ERGIC1: variants seen among roughly 807,000 people sequenced by gnomAD.
ERGIC1 encodes endoplasmic reticulum-Golgi intermediate compartment protein 1.
ERGIC1 carries 19 observed loss-of-function variants against 38.3 expected under a neutral mutation model. The ratio of observed to expected loss-of-function variants is 0.50; its 90% CI spans 0.35 to 0.73. The LOEUF (loss-of-function observed/expected upper bound fraction) is 0.73. Ranked by LOEUF, ERGIC1 falls within the 30% of genes least tolerant of loss-of-function variation. ERGIC1 has a pLI of 0.01. For synonymous variants in ERGIC1, 124 were observed against 157.6 expected (o/e 0.79, Z 1.60); for missense variants, 294 against 389.2 (o/e 0.76, Z 2.06).
In ERGIC1 at chr5:172,926,433, C is replaced by T; in HGVS notation, c.481-76C>T. ...GGTTCCTAGACCAGGTGGTACCTGG[C>T]CATCCCCCACAACCAGGGCCAGGCC... On this transcript the variant is annotated intron_variant, in intron 6 of 9. Coordinates refer to ENST00000393784, the MANE Select transcript of ERGIC1 (RefSeq NM_001031711.3). This position sits in a 1 kb window ranked among gnomAD's most constrained non-coding sequence, Gnocchi z 5.2. 3 of 1,529,296 alleles carry T rather than the reference C, an allele frequency of 2.0e-6. No individual in the cohort carries two copies. The highest frequency in any genetic ancestry group is 2.7e-6 in the Non-Finnish European group (3 of 1,104,578). 94.7% of individuals were successfully genotyped at this position (1,529,296 alleles called of 1,614,324 possible). A position where few individuals can be genotyped will look rare whatever the true frequency, so the allele number is the denominator to read the frequency against.
chr5:172,950,623 C>A, intron 9 of ERGIC1, 86 bp from the exon 10 acceptor site: 2 of 1,171,594 alleles, frequency 1.7e-6, no homozygotes, highest in Non-Finnish European at 2.5e-6. Flanking sequence ...CAGAGCCCAT[C>A]ATCTCATGAT....
chr5:172,875,444 A>T (rs1762120733), intron 1 of ERGIC1, among the ~76,000 whole-genome samples: 2 of 151,996 alleles, frequency 1.3e-5, no homozygotes, highest in Admixed American at 1.3e-4. Context: ...TGATTATAAA[A>T]CCAAAAGCCC....
At chr5:172,840,583 G>T (rs558447474) in intron 1 of ERGIC1, among the ~76,000 whole-genome samples, 1 of 152,152 alleles carries the variant, frequency 6.6e-6, no homozygotes, top group African/African-American at 2.4e-5. Context: ...GAGCCAGGTC[G>T]GGTGGCGGTG....
intron 3 of ERGIC1, among the ~76,000 whole-genome samples, chr5:172,908,306 C>CA (rs1561729549): frequency 0.85 from 12,744 of 14,926 alleles, 5,355 homozygotes; most frequent in Non-Finnish European, 0.88. Flanking sequence ...GAGGCGGGGG[C>CA]GGGGGGGGGG....
chr5:172,915,514 T>C lies in ERGIC1; in HGVS notation c.375+676T>C, dbSNP rs1388553178. ...TTCAAGGTTCACTGTTGTTTTGTCC[T>C]CAGAACCAGGAGCTTCAGATCCTAA... On this transcript the variant is annotated intron_variant, in intron 5 of 9. Transcript: ENST00000393784. 6.5e-6 allele frequency: 3 copies of C among 463,312 alleles called. No individual in the cohort carries two copies. The Admixed American group carries it at 7.1e-5, about 11-fold the overall frequency. 28.7% of individuals were successfully genotyped at this position (463,312 alleles called of 1,614,324 possible).
chr5:172,847,998 T>C (rs1262700779), intron 1 of ERGIC1, among the ~76,000 whole-genome samples: 1 of 152,238 alleles, frequency 6.6e-6, no homozygotes. Context: ...GTGAAGTTGC[T>C]GGGTTTGTTA....
At chr5:172,857,647 A>G (rs1761585654) in intron 1 of ERGIC1, among the ~76,000 whole-genome samples, 1 of 135,294 alleles carries the variant, frequency 7.4e-6, no homozygotes, top group Non-Finnish European at 1.5e-5. Context: ...TGCACCTGCC[A>G]ATAAGGGCTC....
At chr5:172,923,050 C>CAAGGGTTCT in intron 5 of ERGIC1, among the ~76,000 whole-genome samples, 1 of 151,666 alleles carries the variant, frequency 6.6e-6, no homozygotes, top group East Asian at 1.9e-4. Flanking sequence ...AGGATCATAC[C>CAAGGGTTCT]AAGGGTTCTA....
intron 1 of ERGIC1, among the ~76,000 whole-genome samples, chr5:172,836,268 G>A (rs1761034081): frequency 6.6e-6 from 1 of 152,178 alleles, no homozygotes; most frequent in South Asian, 2.1e-4. Flanking sequence ...AGGGAAGTAA[G>A]GAAAATGGGT....
At chr5:172,905,390 C>T (rs892457417) in intron 3 of ERGIC1, 2 of 466,888 alleles carry the variant, frequency 4.3e-6, no homozygotes, top group East Asian at 7.0e-5. Context: ...CGATCCTCCT[C>T]GGGCCTGTTA....
intron 3 of ERGIC1, among the ~76,000 whole-genome samples, chr5:172,905,720 A>G (rs758834402): frequency 7.4e-6 from 1 of 134,418 alleles, no homozygotes; most frequent in African/African-American, 2.8e-5. Context: ...ACCACGAGCT[A>G]AAGCTCAGCT....
At chr5:172,853,006 T>C (rs2113045243) in intron 1 of ERGIC1, among the ~76,000 whole-genome samples, 1 of 152,320 alleles carries the variant, frequency 6.6e-6, no homozygotes, top group East Asian at 1.9e-4. Context: ...GGCATGTGGG[T>C]TTGGCCAAGG....
intron 1 of ERGIC1, among the ~76,000 whole-genome samples, chr5:172,861,957 G>T (rs1301746249): frequency 6.6e-6 from 1 of 151,906 alleles, no homozygotes; most frequent in Non-Finnish European, 1.5e-5. Flanking sequence ...AGAAATTCCT[G>T]CCAAGAACTT....
In ERGIC1 at chr5:172,942,495, T is replaced by C. The variant is rs554475160; in HGVS notation, c.765+7185T>C. On this transcript the variant is annotated intron_variant, in intron 9 of 9. Transcript: ENST00000393784. The stretch of plus-strand genomic sequence containing the variant: ...CCAGTGCATCAATGTGGGTAATAAA[T>C]AGGTGTCAAACAATGAGCACATAGA... 3.3e-5 allele frequency among the ~76,000 whole-genome samples: 5 copies of C among 152,236 alleles called. No homozygotes were observed. The South Asian group carries it at 1.0e-3, about 32-fold the overall frequency.
At chr5:172,949,664 G>T (rs925858320) in intron 9 of ERGIC1, among the ~76,000 whole-genome samples, 40 of 150,748 alleles carry the variant, frequency 2.7e-4, no homozygotes, top group African/African-American at 9.5e-4. Flanking sequence ...GCGGGGGGGG[G>T]TATGATTGGC....
In ERGIC1 at chr5:172,952,649, G is replaced by C. The variant is rs1249432075; in HGVS notation, c.*1833G>C. 6.6e-6 allele frequency: 1 copy of C among 152,020 alleles called. No individual in the cohort carries two copies. The highest frequency in any genetic ancestry group is 1.5e-5 in the Non-Finnish European group (1 of 68,018). 9.4% of individuals were successfully genotyped at this position (152,020 alleles called of 1,614,324 possible). ...TGTTTTAGTTCTTTCCCCACTCGTT[G>C]GGTTCAACTAGATTAAAAGGCTGAT... On this transcript the variant is annotated 3_prime_UTR_variant, in exon 10 of 10. Coordinates refer to ENST00000393784, the MANE Select transcript of ERGIC1 (RefSeq NM_001031711.3).
intron 5 of ERGIC1, among the ~76,000 whole-genome samples, chr5:172,921,372 T>G (rs896272820): frequency 6.6e-6 from 1 of 152,250 alleles, no homozygotes; most frequent in African/African-American, 2.4e-5. Flanking sequence ...CAAGTGTCCC[T>G]TCTCCACTGT....
intron 9 of ERGIC1, among the ~76,000 whole-genome samples, chr5:172,944,300 A>G (rs1581591237): frequency 6.6e-6 from 1 of 151,798 alleles, no homozygotes; most frequent in Admixed American, 6.6e-5. Flanking sequence ...GGCAGTGGCA[A>G]GGGACCAAGC....
intron 1 of ERGIC1, among the ~76,000 whole-genome samples, chr5:172,868,693 T>G (rs940804975): frequency 6.6e-6 from 1 of 152,190 alleles, no homozygotes; most frequent in Non-Finnish European, 1.5e-5. Flanking sequence ...ATGTCAAGTA[T>G]GGACTTTGGG....
Sources: gnomAD v4.1 joint callset for allele counts (sites outside exome capture counted in the v4.1 genomes callset) on GRCh38, gnomAD v4.1.1 for gene constraint, Gnocchi (gnomAD v3.1) non-coding constraint, MANE v1.5 for transcripts, NCBI Gene and HGNC (gene_info 2026-07-23, HGNC 2026-07-21) for gene names.